GALNT17: variants seen among roughly 807,000 people sequenced by gnomAD.
GALNT17 encodes the protein UDP-GalNAc:polypeptide N-acetylgalactosaminyltransferase-like 3.
In GALNT17, 29 loss-of-function variants were observed where a neutral mutation model predicts 63.7. The ratio of observed to expected loss-of-function variants is 0.46; its 90% confidence interval spans 0.34 to 0.62. GALNT17 has a LOEUF of 0.62. GALNT17 is among the 20% of genes least tolerant of loss of function. The pLI is 0.01. For missense variants in GALNT17, 603 were observed against 799.6 expected, an observed-to-expected ratio of 0.75 and a Z score of 2.97; for synonymous variants, 305 against 318.3, an observed-to-expected ratio of 0.96 and a Z score of 0.45.
chr7:71,143,328 A>G (rs1354873714), intron 1 of GALNT17, among the ~76,000 whole-genome samples: 2 of 150,130 alleles, frequency 1.3e-5, no homozygotes, highest in East Asian at 4.0e-4. Context: ...AGGCTGAGGC[A>G]GGAGAATCAC....
At chr7:71,479,145 C>A (rs1787772607) in intron 5 of GALNT17, among the ~76,000 whole-genome samples, 1 of 152,140 alleles carries the variant, frequency 6.6e-6, no homozygotes, top group Non-Finnish European at 1.5e-5. Flanking sequence ...TCACTAGCAA[C>A]CATAACCTTT....
intron 6 of GALNT17, among the ~76,000 whole-genome samples, chr7:71,579,053 T>A (rs1259305452): frequency 5.3e-5 from 8 of 152,248 alleles, no homozygotes; most frequent in Non-Finnish European, 1.2e-4. Flanking sequence ...ATTTTCATAC[T>A]TTTTAGATTG....
chr7:71,702,957 T>C (rs1791673048), intron 9 of GALNT17, among the ~76,000 whole-genome samples: 1 of 152,234 alleles, frequency 6.6e-6, no homozygotes, highest in Non-Finnish European at 1.5e-5. Context: ...CATCTAAATT[T>C]AAAATGCTTA....
chr7:71,158,477 C>T lies in GALNT17; in HGVS notation c.238+25437C>T, dbSNP rs886954041. On this transcript the variant is annotated intron_variant, in intron 1 of 10. Coordinates refer to ENST00000333538, the MANE Select transcript of GALNT17 (RefSeq NM_022479.3). The stretch of plus-strand genomic sequence containing the variant: ...TGGCGTGATCTTGGCTCACTGCATC[C>T]TCCTCCTCCTGGATTCAAGTGATTC... 1.1e-4 allele frequency among the ~76,000 whole-genome samples: 17 copies of T among 151,842 alleles called. 3 individuals carry two copies. Among genetic ancestry groups the T allele is most frequent in the African/African-American group, 3.9e-4 (16 of 41,170 alleles).
At chr7:71,455,139 C>A (rs1268741029) in intron 5 of GALNT17, among the ~76,000 whole-genome samples, 1 of 151,614 alleles carries the variant, frequency 6.6e-6, no homozygotes, top group East Asian at 1.9e-4. Context: ...TGCACTCCAG[C>A]CTGGGCAGCA....
At chr7:71,332,548 C>G (rs997757677) in intron 1 of GALNT17, among the ~76,000 whole-genome samples, 4 of 152,072 alleles carry the variant, frequency 2.6e-5, no homozygotes, top group Admixed American at 2.6e-4. Flanking sequence ...ATTTTAAAAT[C>G]GTTTTATTGA....
At chr7:71,368,537 A>T (rs1051645622) in intron 2 of GALNT17, among the ~76,000 whole-genome samples, 3 of 152,008 alleles carry the variant, frequency 2.0e-5, no homozygotes, top group Admixed American at 6.5e-5. Context: ...GGCCCCGTTG[A>T]TCTCCTTGAA....
At chr7:71,564,994 C>T (rs941915886) in intron 5 of GALNT17, among the ~76,000 whole-genome samples, 3 of 152,146 alleles carry the variant, frequency 2.0e-5, no homozygotes, top group African/African-American at 4.8e-5. Flanking sequence ...GGGCCGGGCA[C>T]GGTGGCTCAT....
chr7:71,470,241 AGG>A (rs1787605222), intron 5 of GALNT17, among the ~76,000 whole-genome samples: 1 of 152,164 alleles, frequency 6.6e-6, no homozygotes, highest in African/African-American at 2.4e-5. Flanking sequence ...AGCAAACATA[AGG>A]TTGTAGTCCA....
At chr7:71,148,893 T>C (rs1283980052) in intron 1 of GALNT17, among the ~76,000 whole-genome samples, 1 of 144,612 alleles carries the variant, frequency 6.9e-6, no homozygotes, top group Admixed American at 7.0e-5. Flanking sequence ...TATATATATA[T>C]GTATACCATA....
chr7:71,529,544 T>C (rs59162035), intron 5 of GALNT17, among the ~76,000 whole-genome samples: 22,977 of 152,242 alleles, frequency 0.15, 2,550 homozygotes, highest in East Asian at 0.52. Context: ...GCTTCAGCCA[T>C]GGAAACGACC....
intron 1 of GALNT17, among the ~76,000 whole-genome samples, chr7:71,147,744 G>T (rs1788049913): frequency 6.6e-6 from 1 of 151,954 alleles, no homozygotes; most frequent in African/African-American, 2.4e-5. Context: ...CGATTCTCCT[G>T]CCTCAGCCTC....
At chr7:71,532,049 T>A (rs989786687) in intron 5 of GALNT17, among the ~76,000 whole-genome samples, 1 of 152,102 alleles carries the variant, frequency 6.6e-6, no homozygotes, top group Non-Finnish European at 1.5e-5. Flanking sequence ...GCCAGTGTGG[T>A]TGGTGCCAGG....
chr7:71,224,908 AT>A (rs1789653030), intron 1 of GALNT17, among the ~76,000 whole-genome samples: 1 of 152,126 alleles, frequency 6.6e-6, no homozygotes, highest in Admixed American at 6.6e-5. Context: ...AAAATACTCT[AT>A]TGTTGAAACC....
At chr7:71,599,322 T>G (rs1443513850) in intron 6 of GALNT17, among the ~76,000 whole-genome samples, 1 of 152,160 alleles carries the variant, frequency 6.6e-6, no homozygotes, top group Non-Finnish European at 1.5e-5. Context: ...TTTAAAGGTT[T>G]GTTGCCACCC....
intron 1 of GALNT17, among the ~76,000 whole-genome samples, chr7:71,187,584 C>T (rs1192209478): frequency 6.6e-6 from 1 of 151,782 alleles, no homozygotes; most frequent in Admixed American, 6.6e-5. Flanking sequence ...CCTCCCCCCT[C>T]ATCCACTTTT....
intron 2 of GALNT17, among the ~76,000 whole-genome samples, chr7:71,384,689 T>C (rs2116330164): frequency 6.6e-6 from 1 of 152,322 alleles, no homozygotes; most frequent in South Asian, 2.1e-4. Context: ...CAGAGCCTGG[T>C]GTGAGGCTGT....
chr7:71,604,156 GGATACTATGCTAAGCGCATATACCA>G (rs1457860173), intron 6 of GALNT17, among the ~76,000 whole-genome samples: 1 of 151,738 alleles, frequency 6.6e-6, no homozygotes, highest in South Asian at 2.1e-4. Context: ...TGCATACAAT[GGATACTATGCTAAGCGCATATACCA>G]GATACTATGC....
At chr7:71,336,612 A>T (rs1185089269) in intron 2 of GALNT17, among the ~76,000 whole-genome samples, 1 of 151,948 alleles carries the variant, frequency 6.6e-6, no homozygotes, top group Non-Finnish European at 1.5e-5. Flanking sequence ...TTCTGTTCTG[A>T]GTTAGTTTGC....
Sources: allele counts gnomAD v4.1 joint callset (sites outside exome capture counted in the v4.1 genomes callset), GRCh38; gene constraint gnomAD v4.1.1; transcripts MANE v1.5; gene names NCBI Gene and HGNC (gene_info 2026-07-23, HGNC 2026-07-21).